The following HDAC8 variants were observed in gnomAD, a reference collection of about 807,000 sequenced individuals.
The protein encoded by HDAC8 is histone deacetylase 8, also known as histone deacetylase-like 1.
HDAC8 carries 1 observed loss-of-function variant against 32.2 expected under a neutral mutation model. That is an observed-to-expected ratio of 0.03 (90% CI 0.01 to 0.15). The LOEUF (loss-of-function observed/expected upper bound fraction) is 0.15, where lower values mean the gene tolerates loss of function less well. HDAC8 is among the 10% of genes least tolerant of loss of function. The probability of loss-of-function intolerance (pLI) is 1.00; values close to 1 mark genes in which losing one functional copy is unlikely to be tolerated. For synonymous variants in HDAC8, 108 were observed against 113.9 expected, an observed-to-expected ratio of 0.95 and a Z score of 0.33; for missense variants, 117 against 300.0, an observed-to-expected ratio of 0.39 and a Z score of 4.51.
chrX:72,420,297 T>C (rs1368759802), intron 9 of HDAC8, among the ~76,000 whole-genome samples: 1 of 111,934 alleles, frequency 8.9e-6, no homozygotes, highest in African/African-American at 3.2e-5. Flanking sequence ...CCTGACATTT[T>C]ATATTTCTCC....
intron 4 of HDAC8, among the ~76,000 whole-genome samples, chrX:72,500,035 T>G (rs1324136319): frequency 1.8e-5 from 2 of 111,034 alleles, no homozygotes; most frequent in Non-Finnish European, 3.8e-5. Flanking sequence ...CCAGAAGAGA[T>G]GGATAAATTC....
chrX:72,449,421 C>G (rs1342349887), intron 9 of HDAC8, among the ~76,000 whole-genome samples: 1 of 110,315 alleles, frequency 9.1e-6, no homozygotes, highest in Non-Finnish European at 1.9e-5. Context: ...CACACTGGGT[C>G]CTGTTGGGGT....
At chrX:72,338,991 T>C (rs923370108) in intron 10 of HDAC8, among the ~76,000 whole-genome samples, 4 of 111,338 alleles carry the variant, frequency 3.6e-5, no homozygotes, top group Non-Finnish European at 7.5e-5. Flanking sequence ...AACTTGCTTA[T>C]TACATTTTAA....
At chrX:72,345,238 A>G (rs1449145873) in intron 10 of HDAC8, among the ~76,000 whole-genome samples, 8 of 111,217 alleles carry the variant, frequency 7.2e-5, no homozygotes, top group African/African-American at 2.6e-4. Context: ...CTGCTTCTGA[A>G]GCTCACTTTG....
At chrX:72,353,547 C>A (rs934517195) in intron 9 of HDAC8, among the ~76,000 whole-genome samples, 47 of 111,809 alleles carry the variant, frequency 4.2e-4, no homozygotes, top group African/African-American at 1.4e-3. Flanking sequence ...AACCATTACC[C>A]CCTTTCCCCT....
chrX:72,490,384 A>G (rs1449984961), intron 6 of HDAC8, among the ~76,000 whole-genome samples: 1 of 108,188 alleles, frequency 9.2e-6, no homozygotes, highest in Admixed American at 9.9e-5. Flanking sequence ...CTGGATTAAG[A>G]AAATGTGGCA....
intron 9 of HDAC8, among the ~76,000 whole-genome samples, chrX:72,398,322 T>C (rs1555966214): frequency 9.1e-6 from 1 of 109,633 alleles, no homozygotes; most frequent in Non-Finnish European, 1.9e-5. Flanking sequence ...CTGGATTATC[T>C]TTTTTTTTGT....
At chrX:72,508,931 G>A (rs2049478345) in intron 4 of HDAC8, among the ~76,000 whole-genome samples, 1 of 111,897 alleles carries the variant, frequency 8.9e-6, no homozygotes, top group Admixed American at 9.4e-5. Context: ...ACCAAAAGCT[G>A]TACATACTTA....
Position 72,376,702 on chromosome X carries a change from A to G in HDAC8, c.1006-24864T>C, listed in dbSNP as rs782739341. Among the ~76,000 whole-genome samples the G allele has an allele frequency of 1.1e-4, 12 of 111,828 alleles. No individual in the cohort carries two copies. In the East Asian group the frequency reaches 3.1e-3, roughly 29 times the overall value. ...CCAAAGTGCTGGGATTACAGGTGTG[A>G]GCCACCATGCCCCACCTAATTTTTA... On this transcript the variant is annotated intron_variant, in intron 9 of 10. Transcript: ENST00000373573.
chrX:72,412,875 G>A (rs2046232221), intron 9 of HDAC8, among the ~76,000 whole-genome samples: 1 of 112,182 alleles, frequency 8.9e-6, no homozygotes, highest in East Asian at 2.8e-4. Flanking sequence ...GATGGGCAAA[G>A]TGAGCTGTGT....
At chrX:72,552,581 T>C (rs1472620020) in intron 4 of HDAC8, among the ~76,000 whole-genome samples, 2 of 105,697 alleles carry the variant, frequency 1.9e-5, no homozygotes, top group East Asian at 3.0e-4. Flanking sequence ...ACCATTACAC[T>C]CCAGCCTGGG....
chrX:72,357,754 A>G (rs782031666), intron 9 of HDAC8, among the ~76,000 whole-genome samples: 1 of 111,130 alleles, frequency 9.0e-6, no homozygotes, highest in Admixed American at 9.5e-5. Context: ...ACCGAGCCTG[A>G]TTGCTGTCAA....
chrX:72,502,244 C>T (rs1461057536), intron 4 of HDAC8, among the ~76,000 whole-genome samples: 8 of 111,878 alleles, frequency 7.2e-5, no homozygotes, highest in African/African-American at 2.6e-4. Context: ...GTAGAACTAC[C>T]ATTTGACTCA....
intron 9 of HDAC8, among the ~76,000 whole-genome samples, chrX:72,392,287 T>C (rs1457224748): frequency 1.8e-5 from 2 of 111,933 alleles, no homozygotes; most frequent in Non-Finnish European, 3.8e-5. Flanking sequence ...GCTTACCAGG[T>C]GGCACAAATG....
At chrX:72,404,395 G>A (rs782458638) in intron 9 of HDAC8, among the ~76,000 whole-genome samples, 2 of 111,112 alleles carry the variant, frequency 1.8e-5, no homozygotes, top group Non-Finnish European at 3.8e-5. Context: ...TCTAATCCAT[G>A]ACAACATGAC....
At chrX:72,471,713 G>C (rs944351320) in intron 7 of HDAC8, among the ~76,000 whole-genome samples, 1 of 111,577 alleles carries the variant, frequency 9.0e-6, no homozygotes, top group African/African-American at 3.3e-5. Context: ...TTTTTAATAT[G>C]GAGTTGTAAG....
At chrX:72,419,472 C>T (rs990062107) in intron 9 of HDAC8, among the ~76,000 whole-genome samples, 1 of 111,653 alleles carries the variant, frequency 9.0e-6, no homozygotes, top group East Asian at 2.8e-4. Flanking sequence ...CTGCTGGTTA[C>T]AGTGTGAACC....
At chrX:72,429,016 TTTCTTTC>T (rs1418188545) in intron 9 of HDAC8, among the ~76,000 whole-genome samples, 3 of 99,460 alleles carry the variant, frequency 3.0e-5, no homozygotes, top group African/African-American at 1.1e-4. Flanking sequence ...CCTTTCTTTC[TTTCTTTC>T]TTTTTTTTTT....
chrX:72,446,429 G>GC (rs1480179145), intron 9 of HDAC8, among the ~76,000 whole-genome samples: 6 of 110,063 alleles, frequency 5.5e-5, no homozygotes, highest in African/African-American at 2.0e-4. Context: ...GTAAACTATC[G>GC]CAAGGACAAA....
Sources: gnomAD v4.1 joint callset for allele counts (sites outside exome capture counted in the v4.1 genomes callset) on GRCh38, gnomAD v4.1.1 for gene constraint, MANE v1.5 for transcripts, NCBI Gene and HGNC (gene_info 2026-07-23, HGNC 2026-07-21) for gene names.